The following KCND2 variants were observed in gnomAD, a reference collection of about 807,000 sequenced individuals.
KCND2 encodes the protein A-type voltage-gated potassium channel KCND2.
In KCND2, 16 loss-of-function variants were observed where a neutral mutation model predicts 54.4. The ratio of observed to expected loss-of-function variants is 0.29; its 90% CI spans 0.20 to 0.45. The LOEUF (loss-of-function observed/expected upper bound fraction) is 0.45. KCND2 is among the 20% of genes least tolerant of loss of function. KCND2 has a pLI of 1.00. For missense variants in KCND2, 486 were observed against 824.2 expected (o/e 0.59, Z 5.02); for synonymous variants, 317 against 310.7 (o/e 1.02, Z -0.21).
At chr7:120,547,320 A>G (rs761608990) in intron 1 of KCND2, among the ~76,000 whole-genome samples, 3 of 151,952 alleles carry the variant, frequency 2.0e-5, no homozygotes, top group Non-Finnish European at 4.4e-5. Flanking sequence ...GACTGAAATC[A>G]TTCTCCATTC....
At chr7:120,740,740 A>C in intron 2 of KCND2, 1 of 421,498 alleles carries the variant, frequency 2.4e-6, no homozygotes, top group Non-Finnish European at 4.8e-6. Flanking sequence ...AGACACACAC[A>C]CACAAAATGC....
intron 1 of KCND2, among the ~76,000 whole-genome samples, chr7:120,588,356 A>G (rs760425773): frequency 6.7e-6 from 1 of 150,234 alleles, no homozygotes; most frequent in Non-Finnish European, 1.5e-5. Flanking sequence ...TACCTTGATC[A>G]TTGATTTTTA....
intron 1 of KCND2, among the ~76,000 whole-genome samples, chr7:120,532,663 G>T (rs1423555583): frequency 6.6e-6 from 1 of 151,694 alleles, no homozygotes; most frequent in African/African-American, 2.4e-5. Context: ...GTTGGGAAAT[G>T]ATACCAAAAA....
At chr7:120,383,181 T>G (rs1253874251) in intron 1 of KCND2, among the ~76,000 whole-genome samples, 1 of 152,000 alleles carries the variant, frequency 6.6e-6, no homozygotes, top group Non-Finnish European at 1.5e-5. Context: ...CCCCTTTGGA[T>G]GCAGAATGCA....
At chr7:120,345,972 G>A (rs1800310939) in intron 1 of KCND2, among the ~76,000 whole-genome samples, 1 of 152,096 alleles carries the variant, frequency 6.6e-6, no homozygotes, top group Non-Finnish European at 1.5e-5. Flanking sequence ...CAACAGAACA[G>A]AGTTCTGGTT....
At chr7:120,695,805 A>G (rs1490983920) in intron 1 of KCND2, among the ~76,000 whole-genome samples, 1 of 152,234 alleles carries the variant, frequency 6.6e-6, no homozygotes, top group African/African-American at 2.4e-5. Context: ...AAGATTAATC[A>G]GAATGCAAAG....
At chr7:120,513,967 T>C (rs1414790663) in intron 1 of KCND2, among the ~76,000 whole-genome samples, 1 of 152,126 alleles carries the variant, frequency 6.6e-6, no homozygotes, top group East Asian at 1.9e-4. Flanking sequence ...TATTAACAAT[T>C]TAAACCCACT....
chr7:120,525,983 T>G (rs1369821474), intron 1 of KCND2, among the ~76,000 whole-genome samples: 2 of 152,124 alleles, frequency 1.3e-5, no homozygotes, highest in Admixed American at 1.3e-4. Flanking sequence ...GTTCTCCATC[T>G]TTCCTTCCCT....
chr7:120,335,192 G>A (rs539537830), intron 1 of KCND2, among the ~76,000 whole-genome samples: 30 of 151,652 alleles, frequency 2.0e-4, no homozygotes, highest in African/African-American at 2.9e-4. Flanking sequence ...GTGAAACCCC[G>A]TCTCTACTAA....
chr7:120,631,284 A>G (rs899615324), intron 1 of KCND2, among the ~76,000 whole-genome samples: 7 of 152,130 alleles, frequency 4.6e-5, no homozygotes, highest in Non-Finnish European at 7.4e-5. Flanking sequence ...TTCATAAAAA[A>G]TGAATATAGT....
intron 1 of KCND2, among the ~76,000 whole-genome samples, chr7:120,699,239 G>A (rs1220911263): frequency 1.3e-5 from 2 of 151,120 alleles, no homozygotes; most frequent in African/African-American, 2.4e-5. Flanking sequence ...CCGAGATCGC[G>A]CCACTGCACT....
chr7:120,558,255 C>T (rs1011130464), intron 1 of KCND2, among the ~76,000 whole-genome samples: 31 of 152,198 alleles, frequency 2.0e-4, no homozygotes, highest in Admixed American at 1.6e-3. Context: ...ATAAAAGTAA[C>T]TAGAAAACTC....
chr7:120,364,459 G>A (rs749821553), intron 1 of KCND2, among the ~76,000 whole-genome samples: 1 of 152,106 alleles, frequency 6.6e-6, no homozygotes, highest in Non-Finnish European at 1.5e-5. Context: ...GACAATGACA[G>A]GAGGATTATT....
intron 1 of KCND2, among the ~76,000 whole-genome samples, chr7:120,351,043 T>G (rs73431949): frequency 0.011 from 1,662 of 151,988 alleles, 36 homozygotes; most frequent in African/African-American, 0.038. Context: ...AAGTGGGTTT[T>G]TTTGGTTAAA....
intron 1 of KCND2, among the ~76,000 whole-genome samples, chr7:120,450,881 G>T (rs1802095137): frequency 6.6e-6 from 1 of 152,150 alleles, no homozygotes; most frequent in South Asian, 2.1e-4. Context: ...TTAAATGCAG[G>T]TGGAGCGATT....
chr7:120,289,958 T>A (rs1343579335), intron 1 of KCND2, among the ~76,000 whole-genome samples: 1 of 151,994 alleles, frequency 6.6e-6, no homozygotes, highest in Non-Finnish European at 1.5e-5. Context: ...TTTTGCTTAT[T>A]TGTAGTATCC....
chr7:120,595,591 G>GTGTA (rs370024431), intron 1 of KCND2, among the ~76,000 whole-genome samples: 51 of 131,892 alleles, frequency 3.9e-4, no homozygotes, highest in Middle Eastern at 4.0e-3. Context: ...GTGTGTGTGT[G>GTGTA]TATATATATA....
intron 1 of KCND2, among the ~76,000 whole-genome samples, chr7:120,289,489 A>AT (rs1219330094): frequency 1.6e-4 from 24 of 152,124 alleles, no homozygotes; most frequent in African/African-American, 5.6e-4. Flanking sequence ...GCAAGTCTGA[A>AT]TTTTGAAATA....
At chr7:120,496,432 T>A (rs1057508516) in intron 1 of KCND2, among the ~76,000 whole-genome samples, 21 of 151,824 alleles carry the variant, frequency 1.4e-4, no homozygotes, top group Admixed American at 9.2e-4. Flanking sequence ...TATAATTTTT[T>A]AATTTTTTTT....
Sources: allele counts gnomAD v4.1 joint callset (sites outside exome capture counted in the v4.1 genomes callset), GRCh38; gene constraint gnomAD v4.1.1; transcripts MANE v1.5; gene names NCBI Gene and HGNC (gene_info 2026-07-23, HGNC 2026-07-21).